The following KIAA0319L variants were observed in gnomAD, a reference collection of about 807,000 sequenced individuals.
KIAA0319L encodes KIAA0319 like.
Under a neutral mutation model 120.1 loss-of-function variants are expected in KIAA0319L, and 55 were observed. That is an observed-to-expected ratio of 0.46 (90% CI 0.37 to 0.57). The LOEUF is 0.57. Among genes scored for constraint, KIAA0319L ranks in the 20% least tolerant of loss-of-function variants. KIAA0319L has a pLI of 0.00. For synonymous variants in KIAA0319L, 398 were observed against 471.9 expected (o/e 0.84, Z 2.03); for missense variants, 1,049 against 1,255.3 (o/e 0.84, Z 2.48).
intron 2 of KIAA0319L, among the ~76,000 whole-genome samples, chr1:35,525,221 T>TA (rs1646078078): frequency 6.6e-6 from 1 of 152,208 alleles, no homozygotes; most frequent in Non-Finnish European, 1.5e-5. Flanking sequence ...ACTGCATAAA[T>TA]ATACAACATT....
intron 2 of KIAA0319L, among the ~76,000 whole-genome samples, chr1:35,523,266 T>C (rs1645998245): frequency 6.6e-6 from 1 of 152,168 alleles, no homozygotes; most frequent in Non-Finnish European, 1.5e-5. Context: ...ATTGGCTCCA[T>C]GTCTTTGCCC....
intron 2 of KIAA0319L, among the ~76,000 whole-genome samples, chr1:35,541,332 TCTTTTTTTTTTTTTTC>T (rs1441759205): frequency 6.7e-6 from 1 of 148,272 alleles, no homozygotes; most frequent in Non-Finnish European, 1.5e-5. Flanking sequence ...GCAAGCTACT[TCTTTTTTTTTTTTTTC>T]CTTTTTTTTT....
intron 2 of KIAA0319L, among the ~76,000 whole-genome samples, chr1:35,513,592 G>C (rs1158279137): frequency 6.6e-6 from 1 of 151,860 alleles, no homozygotes; most frequent in African/African-American, 2.4e-5. Context: ...ACTCCAGCCT[G>C]GGAGACAGTA....
At chr1:35,509,037 T>C (rs1013615122) in intron 2 of KIAA0319L, among the ~76,000 whole-genome samples, 45 of 152,204 alleles carry the variant, frequency 3.0e-4, no homozygotes, top group Admixed American at 1.0e-3. Flanking sequence ...TGCAGGACTA[T>C]GATCCCTGAA....
At chr1:35,450,252 A>C in intron 14 of KIAA0319L, 106 bp downstream of exon 14, 2 of 1,253,530 alleles carry the variant, frequency 1.6e-6, no homozygotes, top group South Asian at 2.8e-5. Flanking sequence ...TTCAGAGAAC[A>C]ATCTGGGTTT....
At position 35,501,603 on chromosome 1, in the gene KIAA0319L, G is replaced by A. The variant is rs373712906; in HGVS notation, c.666+5009C>T. ...AGGCCAGTAAGAGGACAGGCCAGGC[G>A]TGGTGGCTCACGCCTGTAATACCAG... On this transcript the variant is annotated intron_variant, in intron 3 of 20. Transcript: ENST00000325722. 3.3e-3 allele frequency among the ~76,000 whole-genome samples: 508 copies of A among 152,270 alleles called. 2 individuals carry two copies. Among genetic ancestry groups the A allele is most frequent in the Non-Finnish European group, 4.6e-3 (316 of 68,016 alleles).
chr1:35,447,094 T>C (rs1158500914), intron 16 of KIAA0319L, among the ~76,000 whole-genome samples: 1 of 152,166 alleles, frequency 6.6e-6, no homozygotes, highest in African/African-American at 2.4e-5. Context: ...TGAATTTCTT[T>C]TAATTTCTTC....
At chr1:35,515,977 T>C (rs549540612) in intron 2 of KIAA0319L, among the ~76,000 whole-genome samples, 8 of 152,140 alleles carry the variant, frequency 5.3e-5, no homozygotes, top group African/African-American at 1.9e-4. Flanking sequence ...CCTGGACACA[T>C]ACACCCTCCC....
intron 3 of KIAA0319L, among the ~76,000 whole-genome samples, chr1:35,499,184 C>T (rs2148378626): frequency 6.6e-6 from 1 of 152,280 alleles, no homozygotes; most frequent in African/African-American, 2.4e-5. Context: ...TTAAGGGACC[C>T]ACACCAAAAT....
In KIAA0319L at chr1:35,437,978, T is replaced by A. The variant is rs899264067; in HGVS notation, c.2963-2897A>T. 1.7e-4 allele frequency among the ~76,000 whole-genome samples: 26 copies of A among 152,218 alleles called. No homozygotes were observed. Among genetic ancestry groups the A allele is most frequent in the African/African-American group, 5.8e-4 (24 of 41,468 alleles). ...CTTGCCAGACCTAGCTATAACCCAC[T>A]GACACCACGCTGTGTGAATCACTGT... On this transcript the variant is annotated intron_variant, in intron 20 of 20. Transcript: ENST00000325722. The surrounding 1 kb of genome is among the most constrained non-coding windows in gnomAD (Gnocchi z 4.1).
chr1:35,509,285 T>G (rs1247636059), intron 2 of KIAA0319L, among the ~76,000 whole-genome samples: 2 of 152,200 alleles, frequency 1.3e-5, no homozygotes, highest in Non-Finnish European at 2.9e-5. Flanking sequence ...GGCTGAACAC[T>G]GATTTACTAA....
chr1:35,548,328 A>G (rs1414341557), intron 2 of KIAA0319L, among the ~76,000 whole-genome samples: 1 of 151,854 alleles, frequency 6.6e-6, no homozygotes, highest in African/African-American at 2.4e-5. Context: ...TCCCTTTTCC[A>G]TCCATCTCCA....
intron 7 of KIAA0319L, 101 bp downstream of exon 7, chr1:35,466,507 T>C: frequency 2.6e-6 from 2 of 757,224 alleles, no homozygotes; most frequent in Non-Finnish European, 4.4e-6. Context: ...AATAAATACA[T>C]TACAAAAAAA....
chr1:35,507,120 C>A lies in KIAA0319L; in HGVS notation c.158G>T (p.Arg53Met). 6.6e-7 allele frequency: 1 copy of A among 1,523,230 alleles called. No individual in the cohort carries two copies. The highest frequency in any genetic ancestry group is 2.3e-5 in the Admixed American group (1 of 44,420). The allele number at this position is 1,523,230 out of a possible 1,614,324, so 94.4% of individuals were successfully genotyped here. A position where few individuals can be genotyped will look rare whatever the true frequency, so the allele number is the denominator to read the frequency against. ...AAATTGTGTCTTCCCCTGCTGGCAC[C>A]TGCTCTCACTGGCATCTAAAAACAA... ...LWLSTDASES[R>M]CQQGKTQFGV... Residue 53 changes from arginine to methionine, a missense_variant, in exon 3 of 21, where the codon AGG becomes ATG. By Grantham distance (91) the Arg-to-Met change is moderately conservative. Coordinates refer to ENST00000325722, the MANE Select transcript of KIAA0319L (RefSeq NM_024874.5).
intron 3 of KIAA0319L, among the ~76,000 whole-genome samples, chr1:35,495,115 G>T (rs1315436154): frequency 6.6e-6 from 1 of 152,132 alleles, no homozygotes; most frequent in African/African-American, 2.4e-5. Flanking sequence ...GCTCATGCCT[G>T]TAATCCCAGC....
chr1:35,521,762 G>A (rs1645928234), intron 2 of KIAA0319L, among the ~76,000 whole-genome samples: 1 of 151,902 alleles, frequency 6.6e-6, no homozygotes, highest in African/African-American at 2.4e-5. Flanking sequence ...CACGAGGTCG[G>A]GAGATCGAGA....
chr1:35,554,240 T>C (rs1647593133), intron 2 of KIAA0319L, 110 bp downstream of exon 2: 1 of 688,888 alleles, frequency 1.5e-6, no homozygotes, highest in Admixed American at 3.8e-5. Context: ...TTCTGTCAAT[T>C]AGCAGATTGT....
At chr1:35,502,421 G>GTCATCATCATCATCA (rs138233952) in intron 3 of KIAA0319L, among the ~76,000 whole-genome samples, 1 of 149,940 alleles carries the variant, frequency 6.7e-6, no homozygotes, top group East Asian at 2.0e-4. Context: ...TATTGCTGCT[G>GTCATCATCATCATCA]TCATCATCAT....
intron 2 of KIAA0319L, among the ~76,000 whole-genome samples, chr1:35,552,059 T>C (rs1236169350): frequency 1.3e-5 from 2 of 150,292 alleles, no homozygotes; most frequent in African/African-American, 2.5e-5. Context: ...AAAAAAAAAA[T>C]TGCCACCAGG....
Sources: gnomAD v4.1 joint callset for allele counts (sites outside exome capture counted in the v4.1 genomes callset) on GRCh38, gnomAD v4.1.1 for gene constraint, Gnocchi (gnomAD v3.1) non-coding constraint, MANE v1.5 for transcripts, NCBI Gene and HGNC (gene_info 2026-07-23, HGNC 2026-07-21) for gene names.